The following PLCB1 variants were observed in gnomAD, a reference collection of about 807,000 sequenced individuals.
PLCB1 encodes phospholipase C beta 1.
In PLCB1, 46 loss-of-function variants were observed where a neutral mutation model predicts 161.8. The ratio of observed to expected loss-of-function variants is 0.28; its 90% CI spans 0.22 to 0.36. The LOEUF is 0.36. Ranked by LOEUF, PLCB1 falls within the 10% of genes least tolerant of loss-of-function variation. PLCB1 has a pLI of 1.00. For synonymous variants in PLCB1, 517 were observed against 503.7 expected (o/e 1.03, Z -0.35); for missense variants, 1,016 against 1,472.5 (o/e 0.69, Z 5.07).
chr20:8,566,578 G>A (rs1320779839), intron 3 of PLCB1, among the ~76,000 whole-genome samples: 1 of 152,024 alleles, frequency 6.6e-6, no homozygotes, highest in East Asian at 1.9e-4. Context: ...ATTTTCCATG[G>A]AATATGTTCC....
At chr20:8,367,031 G>GAC (rs1453907100) in intron 2 of PLCB1, among the ~76,000 whole-genome samples, 1 of 152,162 alleles carries the variant, frequency 6.6e-6, no homozygotes, top group Non-Finnish European at 1.5e-5. Context: ...GAACACCTAG[G>GAC]ACATTTGCTT....
At chr20:8,830,729 T>C (rs1385837883) in intron 31 of PLCB1, among the ~76,000 whole-genome samples, 3 of 152,114 alleles carry the variant, frequency 2.0e-5, no homozygotes, top group Non-Finnish European at 4.4e-5. Flanking sequence ...TGAGTCTCCA[T>C]GTACTAATTG....
chr20:8,145,498 A>T (rs1327733260), intron 1 of PLCB1, among the ~76,000 whole-genome samples: 1 of 152,272 alleles, frequency 6.6e-6, no homozygotes, highest in Non-Finnish European at 1.5e-5. Context: ...GGGTAGCAAC[A>T]TGACAGCTCT....
intron 31 of PLCB1, among the ~76,000 whole-genome samples, chr20:8,876,283 G>A (rs563495947): frequency 5.3e-5 from 8 of 152,092 alleles, no homozygotes; most frequent in South Asian, 2.1e-4. Flanking sequence ...ATGTTCTTTC[G>A]TCTTTCTTGT....
chr20:8,519,881 C>G (rs1003715945), intron 3 of PLCB1, among the ~76,000 whole-genome samples: 1 of 152,072 alleles, frequency 6.6e-6, no homozygotes. Flanking sequence ...ATTTCCTGAT[C>G]AATAATGTGC....
At chr20:8,435,400 A>G (rs1252139276) in intron 3 of PLCB1, among the ~76,000 whole-genome samples, 1 of 152,192 alleles carries the variant, frequency 6.6e-6, no homozygotes, top group Non-Finnish European at 1.5e-5. Flanking sequence ...ATGTCAGTTG[A>G]TTTTGAGTAA....
chr20:8,658,723 A>T lies in PLCB1; in HGVS notation c.862+19A>T, dbSNP rs1164624162. On this transcript the variant is annotated intron_variant, in intron 9 of 31. Transcript: ENST00000338037. ...AGAAAAGGTCAGTACTTTCTTTCAC[A>T]CCAAAGGGAAGCTCTTGTTTCTGAT... is the stretch of plus-strand genomic sequence containing the variant. The T allele has an allele frequency of 6.3e-7, 1 of 1,578,034 alleles. No homozygotes were observed. Among genetic ancestry groups the T allele is most frequent in the East Asian group, 2.3e-5 (1 of 43,970 alleles).
intron 1 of PLCB1, among the ~76,000 whole-genome samples, chr20:8,139,357 A>G (rs1477753802): frequency 6.6e-6 from 1 of 152,110 alleles, no homozygotes; most frequent in Non-Finnish European, 1.5e-5. Context: ...CGGCCTCCCA[A>G]AGTGCTAGGA....
intron 9 of PLCB1, among the ~76,000 whole-genome samples, chr20:8,663,913 A>G (rs1256548938): frequency 6.6e-6 from 1 of 152,142 alleles, no homozygotes; most frequent in African/African-American, 2.4e-5. Flanking sequence ...GTTATTTTTT[A>G]TCACTTAAAC....
chr20:8,246,508 A>T (rs1412830779), intron 2 of PLCB1, among the ~76,000 whole-genome samples: 1 of 152,114 alleles, frequency 6.6e-6, no homozygotes, highest in African/African-American at 2.4e-5. Context: ...GGTTTCCACC[A>T]CATTTTCTGT....
intron 2 of PLCB1, among the ~76,000 whole-genome samples, chr20:8,344,179 T>A (rs1180275390): frequency 1.3e-5 from 2 of 152,204 alleles, no homozygotes; most frequent in Non-Finnish European, 2.9e-5. Flanking sequence ...TCCTAATTCT[T>A]TTTCTTTGAA....
At chr20:8,790,093 C>G (rs577911158) in intron 30 of PLCB1, 82 bp from the exon 31 acceptor site, 1 of 895,678 alleles carries the variant, frequency 1.1e-6, no homozygotes, top group South Asian at 1.5e-5. Flanking sequence ...AGCCATAGAT[C>G]TGAAAAGCTT....
intron 3 of PLCB1, among the ~76,000 whole-genome samples, chr20:8,563,351 G>A (rs1210924429): frequency 1.3e-5 from 2 of 151,942 alleles, no homozygotes; most frequent in Non-Finnish European, 1.5e-5. Flanking sequence ...ATAGACAGGG[G>A]CTCTGTCCTT....
At chr20:8,590,422 G>A (rs931408454) in intron 3 of PLCB1, among the ~76,000 whole-genome samples, 2 of 151,884 alleles carry the variant, frequency 1.3e-5, no homozygotes, top group South Asian at 2.1e-4. Context: ...ATATAAAATC[G>A]ATGTCACCTT....
intron 23 of PLCB1, among the ~76,000 whole-genome samples, chr20:8,749,319 G>T (rs950700567): frequency 6.6e-6 from 1 of 152,136 alleles, no homozygotes; most frequent in Non-Finnish European, 1.5e-5. Flanking sequence ...GCAAGAGTGT[G>T]GCTCTCCCCA....
chr20:8,513,058 C>T (rs949607411), intron 3 of PLCB1, among the ~76,000 whole-genome samples: 11 of 152,226 alleles, frequency 7.2e-5, no homozygotes, highest in African/African-American at 2.4e-4. Flanking sequence ...TCCTTCTGTG[C>T]CTGGCTTATT....
chr20:8,370,127 T>C (rs1986858563), intron 2 of PLCB1, among the ~76,000 whole-genome samples: 1 of 152,168 alleles, frequency 6.6e-6, no homozygotes, highest in Non-Finnish European at 1.5e-5. Flanking sequence ...CCATCCAACT[T>C]GCTCATTGCC....
intron 2 of PLCB1, among the ~76,000 whole-genome samples, chr20:8,198,292 G>A (rs2123120924): frequency 6.6e-6 from 1 of 152,290 alleles, no homozygotes; most frequent in Non-Finnish European, 1.5e-5. Context: ...CTATCCATGA[G>A]CGTGGAATGT....
intron 27 of PLCB1, among the ~76,000 whole-genome samples, chr20:8,784,854 C>T (rs1983409026): frequency 1.3e-5 from 2 of 152,038 alleles, no homozygotes; most frequent in Non-Finnish European, 1.5e-5. Context: ...AAAAGTATTT[C>T]CAATAAGGCA....
Sources: gnomAD v4.1 joint callset for allele counts (sites outside exome capture counted in the v4.1 genomes callset) on GRCh38, gnomAD v4.1.1 for gene constraint, MANE v1.5 for transcripts, NCBI Gene and HGNC (gene_info 2026-07-23, HGNC 2026-07-21) for gene names.